CD200: variants seen among roughly 807,000 people sequenced by gnomAD.
CD200 encodes OX-2 membrane glycoprotein.
Under a neutral mutation model 30.9 loss-of-function variants are expected in CD200, and 15 were observed. That is an observed-to-expected ratio of 0.49 (90% CI 0.32 to 0.75). The LOEUF (loss-of-function observed/expected upper bound fraction) is 0.75, where lower values mean the gene tolerates loss of function less well. Among genes scored for constraint, CD200 ranks in the 30% least tolerant of loss-of-function variants. The pLI is 0.03. For synonymous variants in CD200, 134 were observed against 126.2 expected (o/e 1.06, Z -0.41); for missense variants, 262 against 324.2 (o/e 0.81, Z 1.47).
At chr3:112,337,102 G>T (rs947349804) in intron 1 of CD200, among the ~76,000 whole-genome samples, 1 of 151,946 alleles carries the variant, frequency 6.6e-6, no homozygotes, top group African/African-American at 2.4e-5. Flanking sequence ...CAAGGTGTGG[G>T]GTATATGGTG....
At chr3:112,334,098 A>T in intron 1 of CD200, 1 of 985,388 alleles carries the variant, frequency 1.0e-6, no homozygotes, top group Non-Finnish European at 1.2e-6. Context: ...GCTACGGTCT[A>T]CTGCAAGCTA....
At chr3:112,357,923 TAC>T (rs2081658590) in intron 5 of CD200, among the ~76,000 whole-genome samples, 1 of 152,210 alleles carries the variant, frequency 6.6e-6, no homozygotes, top group South Asian at 2.1e-4. Context: ...GAGTTATGCA[TAC>T]ATTTAAGAAA....
intron 5 of CD200, among the ~76,000 whole-genome samples, chr3:112,359,822 T>G (rs1365210738): frequency 1.3e-5 from 2 of 152,028 alleles, no homozygotes; most frequent in South Asian, 4.1e-4. Flanking sequence ...CACAAGGAAA[T>G]AATATAGAAT....
intron 1 of CD200, 46 bp downstream of exon 1, chr3:112,333,270 G>A (rs1262186608): frequency 2.6e-6 from 4 of 1,539,740 alleles, no homozygotes; most frequent in Middle Eastern, 1.7e-4. Flanking sequence ...GGCAGGCGAT[G>A]TTGAGCCGGT....
chr3:112,345,268 C>G lies in CD200; in HGVS notation c.401C>G (p.Thr134Arg). The G allele has an allele frequency of 6.2e-7, 1 of 1,613,016 alleles. No individual in the cohort carries two copies. The highest frequency in any genetic ancestry group is 8.5e-7 in the Non-Finnish European group (1 of 1,179,056). Reference sequence around the variant, plus strand: ...TTTGGTTTTGGGAAGATCTCAGGAACGGCCTGCCTCACCGTCTATGGTGAG... The same window carrying G: ...TTTGGTTTTGGGAAGATCTCAGGAAGGGCCTGCCTCACCGTCTATGGTGAG... ...NTFGFGKISG[T>R]ACLTVYVQPI... The change falls in exon 3 of 6, where the codon ACG becomes AGG. Residue 134 changes from threonine (T) to arginine (R), a missense_variant. Physicochemically the swap from Thr to Arg is moderately conservative, Grantham distance 71. Transcript: ENST00000315711.
chr3:112,353,908 G>A (rs889711701), intron 5 of CD200, among the ~76,000 whole-genome samples: 1 of 152,144 alleles, frequency 6.6e-6, no homozygotes, highest in Non-Finnish European at 1.5e-5. Context: ...GAAATGTGAT[G>A]CTTTACATGA....
At chr3:112,334,423 A>G (rs2081067249) in intron 1 of CD200, 2 of 171,382 alleles carry the variant, frequency 1.2e-5, no homozygotes, top group Admixed American at 1.3e-4. Flanking sequence ...TAGCTACCTA[A>G]CACGTATTGG....
At chr3:112,336,353 C>T (rs189758348) in intron 1 of CD200, among the ~76,000 whole-genome samples, 144 of 151,950 alleles carry the variant, frequency 9.5e-4, no homozygotes, top group Middle Eastern at 3.4e-3. Context: ...ATTCCCGACC[C>T]GCTGCTCCTG....
Position 112,361,582 on chromosome 3 carries a change from C to A in CD200, c.*32C>A. Reference sequence around the variant, plus strand: ...CACACAGCACCCTGAAAGTGATTCCCTGGTCTACTTGAATTTGACACAAGA... The same window carrying A: ...CACACAGCACCCTGAAAGTGATTCCATGGTCTACTTGAATTTGACACAAGA... On this transcript the variant is annotated 3_prime_UTR_variant, in exon 6 of 6. Transcript: ENST00000315711. 1 of 1,595,054 alleles carries A rather than the reference C, an allele frequency of 6.3e-7. No individual in the cohort carries two copies. Among genetic ancestry groups the A allele is most frequent in the Non-Finnish European group, 8.6e-7 (1 of 1,162,674 alleles).
Position 112,362,620 on chromosome 3 carries a change from T to C in CD200, c.*1070T>C, listed in dbSNP as rs1486649197. On this transcript the variant is annotated 3_prime_UTR_variant, in exon 6 of 6. Transcript: ENST00000315711. ...GATGTTGAATCTTTAATAACCATAA[T>C]TAGTTGCTTTTTCAGTATCTTCTGC... 6.6e-6 allele frequency: 1 copy of C among 152,596 alleles called. No homozygotes were observed. The highest frequency in any genetic ancestry group is 1.5e-5 in the Non-Finnish European group (1 of 68,028). 9.5% of individuals were successfully genotyped at this position (152,596 alleles called of 1,614,324 possible).
chr3:112,336,933 T>A (rs184312671), intron 1 of CD200, among the ~76,000 whole-genome samples: 8 of 152,242 alleles, frequency 5.3e-5, no homozygotes, highest in South Asian at 2.1e-4. Context: ...CTCAGGAATT[T>A]AACTCAGTCT....
rs2081744372 is a variant in CD200, at chr3:112,361,646, T to C, written c.*96T>C. 8.8e-7 allele frequency: 1 copy of C among 1,132,810 alleles called. No individual in the cohort carries two copies. The highest frequency in any genetic ancestry group is 1.3e-6 in the Non-Finnish European group (1 of 742,456). The allele number at this position is 1,132,810 out of a possible 1,614,324, so 70.2% of individuals were successfully genotyped here. On this transcript the variant is annotated 3_prime_UTR_variant, in exon 6 of 6. Coordinates refer to ENST00000315711, the MANE Select transcript of CD200 (RefSeq NM_005944.7). ...AAAAGGGGCCATTCTCCAAAGGACC[T>C]GAAAGAGCAAAAGAGGTGGGAGCGA...
intron 2 of CD200, among the ~76,000 whole-genome samples, chr3:112,342,903 G>A (rs111712954): frequency 2.0e-5 from 3 of 152,122 alleles, no homozygotes; most frequent in Admixed American, 6.5e-5. Context: ...CAACTTTTTT[G>A]TAGCCTATTT....
chr3:112,336,408 G>T (rs1287419781), intron 1 of CD200, among the ~76,000 whole-genome samples: 1 of 151,992 alleles, frequency 6.6e-6, no homozygotes, highest in Non-Finnish European at 1.5e-5. Context: ...AAATCCCAGA[G>T]AAATTGAAAG....
At chr3:112,339,670 T>C (rs1330002672) in intron 1 of CD200, among the ~76,000 whole-genome samples, 1 of 152,178 alleles carries the variant, frequency 6.6e-6, no homozygotes, top group Non-Finnish European at 1.5e-5. Flanking sequence ...AAGTGAACAG[T>C]AAAACAGAGA....
intron 1 of CD200, among the ~76,000 whole-genome samples, chr3:112,338,547 T>C (rs905339817): frequency 3.9e-5 from 6 of 152,164 alleles, no homozygotes; most frequent in African/African-American, 1.2e-4. Context: ...TTGGATAGCA[T>C]GTTTGTAGGT....
At chr3:112,341,427 T>C (rs1231054080) in intron 2 of CD200, among the ~76,000 whole-genome samples, 4 of 152,240 alleles carry the variant, frequency 2.6e-5, no homozygotes, top group Non-Finnish European at 5.9e-5. Context: ...AGGCTCATAT[T>C]ATCTATTGTA....
chr3:112,344,924 C>A, intron 2 of CD200, 38 bp from the exon 3 acceptor site: 1 of 1,429,718 alleles, frequency 7.0e-7, no homozygotes, highest in South Asian at 1.3e-5. Context: ...ATGTGTGTTA[C>A]AATCTTTAAA....
At chr3:112,345,518 A>G (rs946833155) in intron 3 of CD200, among the ~76,000 whole-genome samples, 1 of 152,202 alleles carries the variant, frequency 6.6e-6, no homozygotes, top group African/African-American at 2.4e-5. Context: ...TGCTGTCAAC[A>G]GGAGAAATTT....
Sources: allele counts gnomAD v4.1 joint callset (sites outside exome capture counted in the v4.1 genomes callset), GRCh38; gene constraint gnomAD v4.1.1; transcripts MANE v1.5; gene names NCBI Gene and HGNC (gene_info 2026-07-23, HGNC 2026-07-21).